The following CEP57 variants were observed in gnomAD, a reference collection of about 807,000 sequenced individuals.
CEP57 encodes centrosomal protein of 57 kDa.
In CEP57, 40 loss-of-function variants were observed where a neutral mutation model predicts 68.0. The observed-to-expected ratio is 0.59, with a 90% confidence interval of 0.46 to 0.77. CEP57 has a LOEUF of 0.77. Among genes scored for constraint, CEP57 ranks in the 30% least tolerant of loss-of-function variants. The probability of loss-of-function intolerance (pLI) is 0.00; values close to 1 mark genes in which losing one functional copy is unlikely to be tolerated. For synonymous variants in CEP57, 219 were observed against 198.7 expected (o/e 1.10, Z -0.86); for missense variants, 606 against 580.7 (o/e 1.04, Z -0.45).
At chr11:95,802,052 G>C (rs1014524019) in intron 2 of CEP57, among the ~76,000 whole-genome samples, 3 of 152,092 alleles carry the variant, frequency 2.0e-5, no homozygotes, top group African/African-American at 7.2e-5. Flanking sequence ...AAGGCTGTGA[G>C]ATATGAACAA....
chr11:95,816,549 A>G (rs1029753230), intron 4 of CEP57, among the ~76,000 whole-genome samples: 2 of 152,254 alleles, frequency 1.3e-5, no homozygotes, highest in Non-Finnish European at 2.9e-5. Context: ...TATTAGGCAT[A>G]TGTAATAGAT....
chr11:95,795,529 G>T, intron 1 of CEP57: 1 of 529,622 alleles, frequency 1.9e-6, no homozygotes. Context: ...GCAGACTAGG[G>T]AAATGAAGTA....
At chr11:95,814,925 TA>T (rs1222464936) in intron 4 of CEP57, among the ~76,000 whole-genome samples, 2 of 152,102 alleles carry the variant, frequency 1.3e-5, no homozygotes, top group Admixed American at 6.6e-5. Flanking sequence ...TATTTGCGTA[TA>T]ACCTACACCC....
rs927341052 is a variant in CEP57, at chr11:95,831,885, T to C, written c.*629T>C. The C allele has an allele frequency of 4.6e-5, 7 of 152,132 alleles. No individual in the cohort carries two copies. The highest frequency in any genetic ancestry group is 1.7e-4 in the African/African-American group (7 of 41,446). 9.4% of individuals were successfully genotyped at this position (152,132 alleles called of 1,614,324 possible). A position where few individuals can be genotyped will look rare whatever the true frequency, so the allele number is the denominator to read the frequency against. On this transcript the variant is annotated 3_prime_UTR_variant, in exon 11 of 11. Coordinates refer to ENST00000325542, the MANE Select transcript of CEP57 (RefSeq NM_014679.5). Reference sequence around the variant, plus strand: ...AGACCCAAGCAGTCATTTTGAGTTATATCTATAAAAATTATAAAAGGATTT... The same window carrying C: ...AGACCCAAGCAGTCATTTTGAGTTACATCTATAAAAATTATAAAAGGATTT...
Position 95,790,609 on chromosome 11 carries a change from C to A in CEP57, c.-90C>A. ...TCCATCAGGGGTTCAGCCTAGGGTC[C>A]CCGCTGGTGGGCGGCTCCCGAGTCT... On this transcript the variant is annotated 5_prime_UTR_variant, in exon 1 of 11. Transcript: ENST00000325542. The A allele has an allele frequency of 6.0e-6, 9 of 1,506,394 alleles. No individual in the cohort carries two copies. The highest frequency in any genetic ancestry group is 8.2e-6 in the Non-Finnish European group (9 of 1,100,534). The allele number at this position is 1,506,394 out of a possible 1,614,324, so 93.3% of individuals were successfully genotyped here.
chr11:95,800,764 G>A (rs1182369025), intron 2 of CEP57, among the ~76,000 whole-genome samples: 1 of 136,384 alleles, frequency 7.3e-6, no homozygotes, highest in African/African-American at 2.8e-5. Flanking sequence ...AAATTTTCTG[G>A]TTATGTTATC....
Position 95,798,468 on chromosome 11 carries a change from G to T in CEP57, c.46-764G>T, listed in dbSNP as rs181072072. Reference sequence around the variant, plus strand: ...TTGAAAAACATAGTTTGCTGTGGCCGTTTGAGGAAGGAAAGTGGATGAACA... The same window carrying T: ...TTGAAAAACATAGTTTGCTGTGGCCTTTTGAGGAAGGAAAGTGGATGAACA... On this transcript the variant is annotated intron_variant, in intron 1 of 10. Coordinates refer to ENST00000325542, the MANE Select transcript of CEP57 (RefSeq NM_014679.5). Among the ~76,000 whole-genome samples, 84 of 152,282 alleles carry T rather than the reference G, an allele frequency of 5.5e-4. No individual in the cohort carries two copies. In the Middle Eastern group the frequency reaches 0.014, roughly 25 times the overall value.
At position 95,821,561 on chromosome 11, in the gene CEP57, G is replaced by A. The variant is rs1029693506; in HGVS notation, c.700-310G>A. 1.4e-4 allele frequency among the ~76,000 whole-genome samples: 21 copies of A among 152,182 alleles called. 2 individuals carry two copies. The South Asian group carries it at 2.7e-3, about 20-fold the overall frequency. The stretch of plus-strand genomic sequence containing the variant: ...AGAATATATTTAAGCAATGGTTTGG[G>A]GTTAGATACATTGCATTTAACTCGT... On this transcript the variant is annotated intron_variant, in intron 6 of 10. Transcript: ENST00000325542.
intron 8 of CEP57, among the ~76,000 whole-genome samples, chr11:95,824,073 TAAAA>T (rs71040119): frequency 4.4e-5 from 5 of 112,644 alleles, no homozygotes; most frequent in Admixed American, 9.5e-5. Context: ...AGGCCTATTG[TAAAA>T]AAAAAAAAAA....
chr11:95,821,226 A>G (rs760512880), intron 6 of CEP57, among the ~76,000 whole-genome samples: 1 of 152,136 alleles, frequency 6.6e-6, no homozygotes, highest in Non-Finnish European at 1.5e-5. Flanking sequence ...TGTTTTTTTA[A>G]AAAGGAAAGT....
intron 2 of CEP57, among the ~76,000 whole-genome samples, chr11:95,807,575 C>G (rs1447870785): frequency 1.3e-5 from 2 of 152,066 alleles, no homozygotes; most frequent in African/African-American, 2.4e-5. Flanking sequence ...GACGCATGCA[C>G]AAGACTCAGT....
At chr11:95,797,604 A>G (rs1328187546) in intron 1 of CEP57, among the ~76,000 whole-genome samples, 1 of 152,194 alleles carries the variant, frequency 6.6e-6, no homozygotes, top group Non-Finnish European at 1.5e-5. Context: ...CCTATCACTT[A>G]AGAAATTCTA....
chr11:95,829,746 C>G (rs935248197), intron 10 of CEP57, among the ~76,000 whole-genome samples: 3 of 152,058 alleles, frequency 2.0e-5, no homozygotes, highest in Non-Finnish European at 4.4e-5. Flanking sequence ...CTACCAGATG[C>G]AGTGGTGACA....
chr11:95,824,180 A>G (rs2135360669), intron 8 of CEP57, among the ~76,000 whole-genome samples: 1 of 152,022 alleles, frequency 6.6e-6, no homozygotes, highest in Admixed American at 6.6e-5. Context: ...CAGGAGTTCG[A>G]GACTGTAGTA....
At chr11:95,790,175 G>T, upstream of CEP57, 1 of 172,086 alleles carries the variant, frequency 5.8e-6, no homozygotes, top group Non-Finnish European at 1.3e-5. Context: ...CGTCCCCGAG[G>T]CAAATTCACG....
intron 2 of CEP57, among the ~76,000 whole-genome samples, chr11:95,809,318 C>G (rs1396107861): frequency 6.6e-6 from 1 of 152,112 alleles, no homozygotes; most frequent in Non-Finnish European, 1.5e-5. Flanking sequence ...CAAACACATT[C>G]AAAAGCTAGC....
At chr11:95,797,751 A>C (rs1301443429) in intron 1 of CEP57, among the ~76,000 whole-genome samples, 2 of 152,254 alleles carry the variant, frequency 1.3e-5, no homozygotes, top group Non-Finnish European at 2.9e-5. Context: ...GCCCACTAAC[A>C]TACAAAATGT....
chr11:95,799,222 T>C lies in CEP57; in HGVS notation c.46-10T>C, dbSNP rs540711314. 7.4e-5 allele frequency: 119 copies of C among 1,614,022 alleles called. 1 individual carries two copies. The South Asian group carries it at 1.2e-3, about 17-fold the overall frequency. On this transcript the variant is annotated splice_polypyrimidine_tract_variant and intron_variant, in intron 1 of 10. Transcript: ENST00000325542. ...ACTTTTGAAAGGTAATTTGTGTCTTTATTTTTTAGAACAGCTTTGCTGAGC... is the reference window on the plus strand; with the variant it reads ...ACTTTTGAAAGGTAATTTGTGTCTTCATTTTTTAGAACAGCTTTGCTGAGC...
Position 95,812,995 on chromosome 11 carries a change from A to T in CEP57, c.266A>T (p.Gln89Leu), listed in dbSNP as rs1308907799. 1 of 1,613,982 alleles carries T rather than the reference A, an allele frequency of 6.2e-7. No homozygotes were observed. The highest frequency in any genetic ancestry group is 1.3e-5 in the African/African-American group (1 of 74,930). ...CGACGCTTGGAACTTGAGAGGATTC[A>T]GGCAGAAGAAAGTGTGAAAACCTTG... Reference protein sequence around the residue: ...KIRRLELERIQAEESVKTLSR... With the variant: ...KIRRLELERILAEESVKTLSR... The change falls in exon 3 of 11, where the codon CAG becomes CTG. Residue 89 changes from glutamine (Q) to leucine (L), a missense_variant. Physicochemically the swap from Gln to Leu is moderately radical, Grantham distance 113. Coordinates refer to ENST00000325542, the MANE Select transcript of CEP57 (RefSeq NM_014679.5).
Sources: allele counts gnomAD v4.1 joint callset (sites outside exome capture counted in the v4.1 genomes callset), GRCh38; gene constraint gnomAD v4.1.1; transcripts MANE v1.5; gene names NCBI Gene and HGNC (gene_info 2026-07-23, HGNC 2026-07-21).